The following GRM7 variants were observed in gnomAD, a reference collection of about 807,000 sequenced individuals.
The protein encoded by GRM7 is metabotropic glutamate receptor 7.
A neutral mutation model predicts 84.5 loss-of-function variants in GRM7; 35 were observed. The observed-to-expected ratio is 0.41, with a 90% CI of 0.32 to 0.55. GRM7 has a LOEUF of 0.55. Among genes scored for constraint, GRM7 ranks in the 20% least tolerant of loss-of-function variants. The pLI, the probability that GRM7 is intolerant of heterozygous loss-of-function variation, is 0.19. For synonymous variants in GRM7, 487 were observed against 455.1 expected, an observed-to-expected ratio of 1.07 and a Z score of -0.89; for missense variants, 1,003 against 1,194.6, an observed-to-expected ratio of 0.84 and a Z score of 2.36.
At chr3:7,252,512 C>T (rs140377395) in intron 2 of GRM7, among the ~76,000 whole-genome samples, 9 of 152,164 alleles carry the variant, frequency 5.9e-5, no homozygotes, top group African/African-American at 1.9e-4. Context: ...TTATAAGATG[C>T]TTGATTGGAG....
At chr3:7,626,558 T>C (rs1697622498) in intron 8 of GRM7, among the ~76,000 whole-genome samples, 1 of 152,178 alleles carries the variant, frequency 6.6e-6, no homozygotes, top group African/African-American at 2.4e-5. Context: ...AAAAAGAGCA[T>C]GTGCCATGCC....
intron 2 of GRM7, among the ~76,000 whole-genome samples, chr3:7,251,377 T>C (rs921705702): frequency 1.3e-5 from 2 of 152,180 alleles, no homozygotes; most frequent in African/African-American, 4.8e-5. Context: ...TAAATTATTT[T>C]AGGTTTCATA....
intron 2 of GRM7, among the ~76,000 whole-genome samples, chr3:7,161,361 G>A (rs1195273503): frequency 6.6e-6 from 1 of 150,644 alleles, no homozygotes; most frequent in Non-Finnish European, 1.5e-5. Context: ...GGGTCAAATC[G>A]CTAGTAGTTA....
At position 7,299,516 on chromosome 3, in the gene GRM7, T is replaced by A. The variant is rs563787002; in HGVS notation, c.878+691T>A. ...AGTAAATAAACCTGATTACAAAATT[T>A]AAAGTAAACATACAATCTCCATCTT... On this transcript the variant is annotated intron_variant, in intron 3 of 9. Transcript: ENST00000357716. Among the ~76,000 whole-genome samples the A allele has an allele frequency of 3.7e-4, 56 of 152,360 alleles. 1 individual carries two copies. In the South Asian group the frequency reaches 8.9e-3, roughly 24 times the overall value.
chr3:7,436,874 G>A (rs970163860), intron 5 of GRM7, among the ~76,000 whole-genome samples: 7 of 152,026 alleles, frequency 4.6e-5, no homozygotes, highest in African/African-American at 1.7e-4. Context: ...CTTATTTCCA[G>A]TTTCTCTGTT....
chr3:7,143,498 G>A (rs1694015571), intron 1 of GRM7, among the ~76,000 whole-genome samples: 1 of 152,086 alleles, frequency 6.6e-6, no homozygotes, highest in African/African-American at 2.4e-5. Context: ...AGAAATATGG[G>A]TCTTAAGCCA....
intron 1 of GRM7, among the ~76,000 whole-genome samples, chr3:6,949,660 T>C (rs1692637316): frequency 6.6e-6 from 1 of 151,984 alleles, no homozygotes; most frequent in African/African-American, 2.4e-5. Context: ...TTTTCCAACT[T>C]GGTTCCATTC....
chr3:7,370,370 G>T (rs182563750), intron 4 of GRM7, among the ~76,000 whole-genome samples: 2 of 152,162 alleles, frequency 1.3e-5, no homozygotes, highest in African/African-American at 4.8e-5. Flanking sequence ...ATATGATTTC[G>T]TAGTGTCTTC....
chr3:7,217,812 T>C (rs1319259553), intron 2 of GRM7, among the ~76,000 whole-genome samples: 1 of 151,120 alleles, frequency 6.6e-6, no homozygotes, highest in Non-Finnish European at 1.5e-5. Context: ...TGGATATAGA[T>C]ATAGATGTAT....
At chr3:6,889,735 T>A (rs1695856218) in intron 1 of GRM7, among the ~76,000 whole-genome samples, 2 of 152,128 alleles carry the variant, frequency 1.3e-5, no homozygotes, top group African/African-American at 4.8e-5. Context: ...ATCAGAATGA[T>A]GCTGGCCTCA....
chr3:7,672,588 G>A (rs949021440), intron 8 of GRM7, among the ~76,000 whole-genome samples: 1 of 149,970 alleles, frequency 6.7e-6, no homozygotes. Context: ...GATGAAATAG[G>A]AGTTTTAATA....
At position 7,086,622 on chromosome 3, in the gene GRM7, A is replaced by C. The variant is rs571057705; in HGVS notation, c.520-59830A>C. On this transcript the variant is annotated intron_variant, in intron 1 of 9. Coordinates refer to ENST00000357716, the MANE Select transcript of GRM7 (RefSeq NM_000844.4). The stretch of plus-strand genomic sequence containing the variant: ...TGCCAGCCTCTAGAGCTCCACATCA[A>C]CGTATCCTGCTCAGTGCTTTGTTCA... Among the ~76,000 whole-genome samples the C allele has an allele frequency of 1.8e-4, 28 of 152,298 alleles. 1 individual carries two copies. The East Asian group carries it at 5.4e-3, about 29-fold the overall frequency.
chr3:7,499,785 T>TC (rs943626820), intron 7 of GRM7, among the ~76,000 whole-genome samples: 8 of 151,598 alleles, frequency 5.3e-5, no homozygotes, highest in African/African-American at 1.9e-4. Context: ...ATTCTTTTTT[T>TC]TTTTTTTGAG....
intron 7 of GRM7, among the ~76,000 whole-genome samples, chr3:7,567,895 C>G (rs2125042708): frequency 6.6e-6 from 1 of 151,542 alleles, no homozygotes; most frequent in East Asian, 2.0e-4. Context: ...CATTCATTTT[C>G]CAGTTCCAGT....
chr3:7,033,022 A>G (rs151221037), intron 1 of GRM7, among the ~76,000 whole-genome samples: 373 of 152,298 alleles, frequency 2.4e-3, no homozygotes, highest in African/African-American at 8.6e-3. Flanking sequence ...AAATCAAGGC[A>G]TCAATAGAGA....
chr3:6,947,848 G>A (rs1575052241), intron 1 of GRM7, among the ~76,000 whole-genome samples: 1 of 152,178 alleles, frequency 6.6e-6, no homozygotes, highest in Non-Finnish European at 1.5e-5. Flanking sequence ...GTGTAGAGGT[G>A]TTTATAGTGT....
At chr3:7,291,344 C>T (rs1021090558) in intron 2 of GRM7, among the ~76,000 whole-genome samples, 9 of 152,102 alleles carry the variant, frequency 5.9e-5, no homozygotes, top group African/African-American at 1.9e-4. Context: ...TGATGCATGA[C>T]ATCAGGGACT....
rs971858536 is a variant in GRM7 at position 7,185,732 on chromosome 3, G to A, written c.736+39064G>A. 2.6e-5 allele frequency among the ~76,000 whole-genome samples: 4 copies of A among 152,306 alleles called. No homozygotes were observed. In the South Asian group the frequency reaches 8.3e-4, roughly 32 times the overall value. On this transcript the variant is annotated intron_variant, in intron 2 of 9. Transcript: ENST00000357716. ...CTGTGCACTAACTCAGAAACTCTGG[G>A]AAGGGGATCCAGCAGTCTGTTTCAA...
In GRM7 at chr3:7,486,219, C is replaced by A. The variant is rs139650043; in HGVS notation, c.1515+24497C>A. Reference sequence around the variant, plus strand: ...CATGAGTTTTCATAATTTTTTGGTTCCTTCTATTTCCCCTTGTTTTATTTG... The same window carrying A: ...CATGAGTTTTCATAATTTTTTGGTTACTTCTATTTCCCCTTGTTTTATTTG... On this transcript the variant is annotated intron_variant, in intron 7 of 9. Coordinates refer to ENST00000357716, the MANE Select transcript of GRM7 (RefSeq NM_000844.4). The surrounding 1 kb of genome is among the most constrained non-coding windows in gnomAD (Gnocchi z 5.5). Among the ~76,000 whole-genome samples the A allele has an allele frequency of 1.2e-3, 182 of 152,092 alleles. No individual in the cohort carries two copies. Among genetic ancestry groups the A allele is most frequent in the African/African-American group, 4.1e-3 (170 of 41,526 alleles).
Sources: allele counts gnomAD v4.1 joint callset (sites outside exome capture counted in the v4.1 genomes callset), GRCh38; gene constraint gnomAD v4.1.1; non-coding constraint Gnocchi (gnomAD v3.1); transcripts MANE v1.5; gene names NCBI Gene and HGNC (gene_info 2026-07-23, HGNC 2026-07-21).